The following CGGBP1 variants were observed in gnomAD, a reference collection of about 807,000 sequenced individuals.
The protein encoded by CGGBP1 is CGG triplet repeat binding protein 1.
CGGBP1 carries 4 observed loss-of-function variants against 11.4 expected under a neutral mutation model. The ratio of observed to expected loss-of-function variants is 0.35; its 90% CI spans 0.17 to 0.80. The LOEUF is 0.80. Among genes scored for constraint, CGGBP1 ranks in the 30% least tolerant of loss-of-function variants. The pLI is 0.52. For missense variants in CGGBP1, 135 were observed against 202.1 expected (o/e 0.67, Z 2.01); for synonymous variants, 76 against 74.1 (o/e 1.03, Z -0.13).
At chr3:88,129,746 A>G in intron 2 of CGGBP1, 2 of 1,529,116 alleles carry the variant, frequency 1.3e-6, no homozygotes, top group Non-Finnish European at 1.8e-6. Flanking sequence ...CTGAAAAAGA[A>G]GGCAAAACTA....
At chr3:88,059,281 C>T (rs761188196), upstream of CGGBP1, 1 of 1,532,104 alleles carries the variant, frequency 6.5e-7, no homozygotes, top group African/African-American at 1.4e-5. Context: ...GCGGCGGCGG[C>T]GGCGCAGGGG....
chr3:88,079,164 TATC>T (rs1707958709), intron 2 of CGGBP1, among the ~76,000 whole-genome samples: 1 of 152,186 alleles, frequency 6.6e-6, no homozygotes, highest in Non-Finnish European at 1.5e-5. Flanking sequence ...ACATTAATAT[TATC>T]ATCGAGTCAA....
Position 88,139,699 on chromosome 3 carries a change from T to C in CGGBP1, c.-229+1271A>G, listed in dbSNP as rs1278827045. The stretch of plus-strand genomic sequence containing the variant: ...CCAGAAGATGTTATTGAAAATGTTA[T>C]TGAAAATGGCAGTCCTAATAATTCT... On this transcript the variant is annotated intron_variant, in intron 2 of 3. Coordinates refer to the CGGBP1 transcript ENST00000462901. 14 of 1,584,684 alleles carry C rather than the reference T, an allele frequency of 8.8e-6. No individual in the cohort carries two copies. Among genetic ancestry groups the C allele is most frequent in the Non-Finnish European group, 9.5e-6 (11 of 1,163,986 alleles).
At chr3:88,110,700 C>T (rs1416631939) in intron 2 of CGGBP1, among the ~76,000 whole-genome samples, 3 of 152,032 alleles carry the variant, frequency 2.0e-5, no homozygotes, top group Non-Finnish European at 4.4e-5. Context: ...GAGAGCTATA[C>T]AAGTTGATCT....
At chr3:88,093,137 G>A in intron 2 of CGGBP1, among the ~76,000 whole-genome samples, 1 of 152,162 alleles carries the variant, frequency 6.6e-6, no homozygotes, top group East Asian at 1.9e-4. Context: ...TAAGAAAACT[G>A]AAGCCTGAAA....
At chr3:88,113,035 A>G in intron 2 of CGGBP1, 1 of 901,828 alleles carries the variant, frequency 1.1e-6, no homozygotes, top group Non-Finnish European at 1.6e-6. Context: ...TTGATATTAG[A>G]TAGCTGATAC....
At chr3:88,141,052 A>T in exon 2 of CGGBP1, 3 of 1,585,418 alleles carry the variant, frequency 1.9e-6, no homozygotes, top group Non-Finnish European at 2.6e-6. Context: ...GATGAAAGTA[A>T]GTCTTCTGTC....
intron 2 of CGGBP1, among the ~76,000 whole-genome samples, chr3:88,131,382 T>C (rs1706455384): frequency 6.6e-6 from 1 of 152,192 alleles, no homozygotes; most frequent in Non-Finnish European, 1.5e-5. Context: ...AAAATAGTCA[T>C]GACAGTTATA....
intron 1 of CGGBP1, chr3:88,142,296 CAAAA>C (rs77096741): frequency 3.3e-5 from 5 of 151,140 alleles, no homozygotes; most frequent in Admixed American, 2.6e-4. Context: ...AAAAACAAAA[CAAAA>C]AAAACCACAG....
chr3:88,097,105 GT>G (rs1704109509), intron 2 of CGGBP1, among the ~76,000 whole-genome samples: 2 of 151,988 alleles, frequency 1.3e-5, no homozygotes, highest in Admixed American at 1.3e-4. Context: ...ATCTTTTGCT[GT>G]TATCAACAAC....
intron 2 of CGGBP1, among the ~76,000 whole-genome samples, chr3:88,108,134 T>C (rs1241157333): frequency 6.6e-6 from 1 of 152,142 alleles, no homozygotes; most frequent in Non-Finnish European, 1.5e-5. Context: ...AATTCTTGGC[T>C]TGAGAATTTT....
intron 1 of CGGBP1, among the ~76,000 whole-genome samples, chr3:88,147,874 T>G (rs1362983939): frequency 6.6e-6 from 1 of 152,156 alleles, no homozygotes; most frequent in East Asian, 1.9e-4. Flanking sequence ...AGGATGGGGA[T>G]GCGTTAAGCA....
At chr3:88,094,804 TC>T (rs1373291830) in intron 2 of CGGBP1, among the ~76,000 whole-genome samples, 11 of 152,082 alleles carry the variant, frequency 7.2e-5, no homozygotes, top group Admixed American at 2.0e-4. Context: ...CTTTTTAACT[TC>T]CTTCCCACTA....
chr3:88,085,383 T>C (rs531330404), intron 2 of CGGBP1, among the ~76,000 whole-genome samples: 8 of 152,352 alleles, frequency 5.3e-5, no homozygotes, highest in South Asian at 2.1e-4. Context: ...TTTATAGATA[T>C]TGAAATTTGA....
At chr3:88,085,468 CGTGGAT>C (rs780840062) in intron 2 of CGGBP1, among the ~76,000 whole-genome samples, 3 of 152,082 alleles carry the variant, frequency 2.0e-5, no homozygotes, top group Non-Finnish European at 4.4e-5. Context: ...ACTTTTACCT[CGTGGAT>C]GTACAAAAAC....
intron 2 of CGGBP1, chr3:88,139,320 A>C: frequency 6.2e-7 from 1 of 1,602,900 alleles, no homozygotes; most frequent in African/African-American, 1.3e-5. Context: ...TATGTTATGT[A>C]ACAAGGAATT....
At chr3:88,059,216 G>C (rs1444146883), upstream of CGGBP1, 61 of 1,481,944 alleles carry the variant, frequency 4.1e-5, no homozygotes, top group Non-Finnish European at 5.1e-5. Flanking sequence ...CGGCTAGGGA[G>C]GAGGGAAGGG....
upstream of CGGBP1, among the ~76,000 whole-genome samples, chr3:88,062,351 C>T (rs1041712130): frequency 3.3e-5 from 5 of 152,128 alleles, no homozygotes; most frequent in African/African-American, 9.7e-5. Context: ...TGCTGAAAAG[C>T]AGTAAGTAAA....
chr3:88,106,234 A>G (rs1360522007), intron 2 of CGGBP1, among the ~76,000 whole-genome samples: 3 of 152,214 alleles, frequency 2.0e-5, no homozygotes, highest in Non-Finnish European at 2.9e-5. Context: ...TGATATGTCA[A>G]TCCTACTTTC....
Sources: allele counts gnomAD v4.1 joint callset (sites outside exome capture counted in the v4.1 genomes callset), GRCh38; gene constraint gnomAD v4.1.1; transcripts MANE v1.5; gene names NCBI Gene and HGNC (gene_info 2026-07-23, HGNC 2026-07-21).